OR2L13: variants seen among roughly 807,000 people sequenced by gnomAD.
OR2L13 encodes olfactory receptor 2L13.
OR2L13 carries 14 observed loss-of-function variants against 15.3 expected under a neutral mutation model. That is an observed-to-expected ratio of 0.91 (90% CI 0.60 to 1.43). The LOEUF (loss-of-function observed/expected upper bound fraction) is 1.43. OR2L13 is among the 40% of genes most tolerant of loss of function. The pLI is 0.00. For missense variants in OR2L13, 367 were observed against 387.9 expected (o/e 0.95, Z 0.45); for synonymous variants, 152 against 142.9 (o/e 1.06, Z -0.45).
the OR2L13 span, among the ~76,000 whole-genome samples, chr1:247,964,381 C>G: frequency 3.9e-5 from 6 of 152,146 alleles, no homozygotes; most frequent in Admixed American, 3.3e-4. Flanking sequence ...TACCCAGGAA[C>G]TGCTGCGTTA....
At chr1:247,970,537 C>G in the OR2L13 span, among the ~76,000 whole-genome samples, 1 of 152,088 alleles carries the variant, frequency 6.6e-6, no homozygotes, top group African/African-American at 2.4e-5. Context: ...TAGAATGCAA[C>G]TTGGATCATA....
intron 1 of OR2L13, among the ~76,000 whole-genome samples, chr1:248,098,023 C>T (rs887187310): frequency 6.6e-6 from 1 of 152,182 alleles, no homozygotes; most frequent in Non-Finnish European, 1.5e-5. Flanking sequence ...ATAGTTCTTA[C>T]TGATAGAATG....
chr1:248,064,479 G>T, the OR2L13 span, among the ~76,000 whole-genome samples: 1 of 152,160 alleles, frequency 6.6e-6, no homozygotes, highest in African/African-American at 2.4e-5. Flanking sequence ...AGGTTACCCA[G>T]TTTAAGACAT....
chr1:247,956,283 C>G, the OR2L13 span, among the ~76,000 whole-genome samples: 121 of 151,994 alleles, frequency 8.0e-4, no homozygotes, highest in Middle Eastern at 6.8e-3. Context: ...TGAGGGCTCT[C>G]TTCTGTTCCA....
the OR2L13 span, among the ~76,000 whole-genome samples, chr1:248,084,809 A>C: frequency 6.6e-6 from 1 of 152,164 alleles, no homozygotes; most frequent in South Asian, 2.1e-4. Flanking sequence ...TACATCCAGC[A>C]TGTGAGCATT....
the OR2L13 span, among the ~76,000 whole-genome samples, chr1:248,072,541 C>T: frequency 3.3e-5 from 5 of 152,160 alleles, no homozygotes; most frequent in East Asian, 1.9e-4. Flanking sequence ...AAAACCTAGG[C>T]ATTACCATTC....
chr1:248,026,037 A>T, the OR2L13 span, among the ~76,000 whole-genome samples: 4 of 152,188 alleles, frequency 2.6e-5, no homozygotes, highest in African/African-American at 9.7e-5. Context: ...AGCATAGCAC[A>T]TGTATACATA....
the OR2L13 span, among the ~76,000 whole-genome samples, chr1:248,034,146 A>C: frequency 2.6e-5 from 4 of 152,360 alleles, no homozygotes; most frequent in South Asian, 8.3e-4. Flanking sequence ...AACACTGCTG[A>C]AAGAAATCAT....
chr1:247,994,740 GT>G, the OR2L13 span, among the ~76,000 whole-genome samples: 1 of 152,050 alleles, frequency 6.6e-6, no homozygotes, highest in Non-Finnish European at 1.5e-5. Flanking sequence ...AAGACAGTGG[GT>G]TTTAAGTGTT....
chr1:247,950,303 C>T, the OR2L13 span, among the ~76,000 whole-genome samples: 1 of 152,128 alleles, frequency 6.6e-6, no homozygotes, highest in Non-Finnish European at 1.5e-5. Flanking sequence ...TGAGATTTAG[C>T]AGAAGGCTCA....
the OR2L13 span, among the ~76,000 whole-genome samples, chr1:247,998,093 T>A: frequency 3.3e-5 from 5 of 152,180 alleles, no homozygotes; most frequent in African/African-American, 1.2e-4. Flanking sequence ...GTACTACTTA[T>A]AATTGTATTT....
the OR2L13 span, among the ~76,000 whole-genome samples, chr1:247,977,386 C>T: frequency 4.6e-5 from 7 of 152,086 alleles, no homozygotes; most frequent in Non-Finnish European, 8.8e-5. Flanking sequence ...ATTAATGAAA[C>T]ATATTTTACT....
chr1:247,987,162 T>C, the OR2L13 span, among the ~76,000 whole-genome samples: 5 of 152,190 alleles, frequency 3.3e-5, no homozygotes, highest in Non-Finnish European at 5.9e-5. Flanking sequence ...TCTGTCACAT[T>C]CAATGGGTCA....
chr1:248,063,310 G>A, the OR2L13 span: 9 of 152,244 alleles, frequency 5.9e-5, no homozygotes, highest in East Asian at 3.9e-4. Flanking sequence ...CATGACTACC[G>A]TTAACGGTAA....
chr1:247,993,774 A>G, the OR2L13 span, among the ~76,000 whole-genome samples: 9 of 128,532 alleles, frequency 7.0e-5, no homozygotes, highest in South Asian at 2.4e-4. Flanking sequence ...AGAGAGAGAG[A>G]GAGAGAGAGA....
At chr1:248,081,359 A>C in the OR2L13 span, among the ~76,000 whole-genome samples, 4 of 152,026 alleles carry the variant, frequency 2.6e-5, no homozygotes, top group Non-Finnish European at 4.4e-5. Context: ...AATGTCTTAC[A>C]TTTGCTTGGA....
chr1:247,961,887 T>C, the OR2L13 span, among the ~76,000 whole-genome samples: 2 of 152,192 alleles, frequency 1.3e-5, no homozygotes, highest in African/African-American at 2.4e-5. Flanking sequence ...TTTCTGAAAA[T>C]GTATGAGCCA....
chr1:247,994,026 A>G, the OR2L13 span, among the ~76,000 whole-genome samples: 2 of 152,126 alleles, frequency 1.3e-5, no homozygotes, highest in Non-Finnish European at 2.9e-5. Flanking sequence ...TATGTTTCAG[A>G]TTTTGTGGCA....
At chr1:248,063,623 G>T in the OR2L13 span, among the ~76,000 whole-genome samples, 9 of 152,142 alleles carry the variant, frequency 5.9e-5, no homozygotes, top group Non-Finnish European at 7.3e-5. Flanking sequence ...CTTCCATCAC[G>T]AGTCACTTGC....
Sources: gnomAD v4.1 joint callset for allele counts (sites outside exome capture counted in the v4.1 genomes callset) on GRCh38, gnomAD v4.1.1 for gene constraint, MANE v1.5 for transcripts, NCBI Gene and HGNC (gene_info 2026-07-23, HGNC 2026-07-21) for gene names.